ODAD2: variants seen among roughly 807,000 people sequenced by gnomAD.
The protein encoded by ODAD2 is outer dynein arm-docking complex subunit 2.
In ODAD2, 89 loss-of-function variants were observed where a neutral mutation model predicts 106.8. The observed-to-expected ratio is 0.83, with a 90% CI of 0.70 to 0.99. ODAD2 has a LOEUF of 0.99. Ranked by LOEUF, ODAD2 falls within the 50% of genes least tolerant of loss-of-function variation. ODAD2 has a pLI of 0.00. For synonymous variants in ODAD2, 404 were observed against 436.2 expected, an observed-to-expected ratio of 0.93 and a Z score of 0.92; for missense variants, 1,168 against 1,238.5, an observed-to-expected ratio of 0.94 and a Z score of 0.85.
intron 17 of ODAD2, among the ~76,000 whole-genome samples, chr10:27,906,455 G>A (rs10826365): frequency 0.66 from 100,099 of 151,946 alleles, 33,352 homozygotes; most frequent in Middle Eastern, 0.73. Flanking sequence ...CAGTGTGGCG[G>A]TTCCTCAAGG....
At chr10:27,901,632 T>G (rs1843210689) in intron 17 of ODAD2, among the ~76,000 whole-genome samples, 2 of 151,690 alleles carry the variant, frequency 1.3e-5, no homozygotes, top group South Asian at 4.2e-4. Context: ...ACCAAGCAAA[T>G]GGAAAGCAAA....
chr10:27,942,262 A>G (rs1846512001), intron 12 of ODAD2, among the ~76,000 whole-genome samples: 1 of 152,220 alleles, frequency 6.6e-6, no homozygotes, highest in African/African-American at 2.4e-5. Flanking sequence ...TTGATTCACC[A>G]AAAATTGGTT....
chr10:27,823,790 G>A (rs562101474), intron 19 of ODAD2, among the ~76,000 whole-genome samples: 33 of 152,210 alleles, frequency 2.2e-4, no homozygotes, highest in Non-Finnish European at 3.8e-4. Flanking sequence ...ATGGTGTCCC[G>A]TTAGATAGTC....
intron 10 of ODAD2, among the ~76,000 whole-genome samples, chr10:27,949,604 G>A (rs547136299): frequency 6.6e-6 from 1 of 152,322 alleles, no homozygotes; most frequent in Non-Finnish European, 1.5e-5. Context: ...CCCAGGGTGG[G>A]AGCGTGGTGC....
At chr10:27,919,009 A>G (rs1844591123) in intron 16 of ODAD2, among the ~76,000 whole-genome samples, 1 of 151,944 alleles carries the variant, frequency 6.6e-6, no homozygotes, top group Admixed American at 6.6e-5. Flanking sequence ...GCAATGCTCT[A>G]CATTGCAACT....
chr10:27,969,313 T>C (rs1848675626), intron 8 of ODAD2, among the ~76,000 whole-genome samples: 2 of 151,894 alleles, frequency 1.3e-5, no homozygotes, highest in Middle Eastern at 6.8e-3. Flanking sequence ...TAGGTATGTA[T>C]CGCCGCCAAT....
chr10:27,933,929 G>T (rs1475032778), intron 16 of ODAD2, among the ~76,000 whole-genome samples: 1 of 152,120 alleles, frequency 6.6e-6, no homozygotes. Context: ...CCCCTGATAG[G>T]ATTTTGCTGT....
intron 19 of ODAD2, among the ~76,000 whole-genome samples, chr10:27,817,671 C>G (rs185137228): frequency 6.6e-6 from 1 of 152,078 alleles, no homozygotes; most frequent in Admixed American, 6.5e-5. Context: ...ATGATTCATT[C>G]TTTTTTATGA....
chr10:27,871,532 A>G (rs1355534684), intron 17 of ODAD2, among the ~76,000 whole-genome samples: 2 of 152,292 alleles, frequency 1.3e-5, no homozygotes, highest in African/African-American at 4.8e-5. Context: ...TAATTTTTGT[A>G]TAAGGTGCAA....
At chr10:27,956,080 G>C (rs1689134663) in intron 10 of ODAD2, among the ~76,000 whole-genome samples, 1 of 152,144 alleles carries the variant, frequency 6.6e-6, no homozygotes, top group Non-Finnish European at 1.5e-5. Flanking sequence ...ATCCACGCCA[G>C]TGTTTGATGA....
Position 27,944,275 on chromosome 10 carries a change from T to C in ODAD2, c.1690A>G (p.Lys564Glu). 1.9e-6 allele frequency: 3 copies of C among 1,613,998 alleles called. No homozygotes were observed. The highest frequency in any genetic ancestry group is 2.5e-6 in the Non-Finnish European group (3 of 1,180,002). ...ACCACCCGCCGTGCTCTTTTAAACTTGGCAACATTCGCGATAGTCTCGGCT... is the reference window on the plus strand; with the variant it reads ...ACCACCCGCCGTGCTCTTTTAAACTCGGCAACATTCGCGATAGTCTCGGCT... Reference protein sequence around the residue: ...LAAETIANVAKFKRARRVVRQ... With the variant: ...LAAETIANVAEFKRARRVVRQ... Residue 564 changes from lysine (K) to glutamate (E), a missense_variant, in exon 12 of 20, where the codon AAG becomes GAG. Physicochemically the swap from Lys to Glu is moderately conservative, Grantham distance 56. This residue lies in a region of ODAD2 where 701 missense variants were observed against 712.3 expected (regional missense o/e 0.98). Coordinates refer to ENST00000305242, the MANE Select transcript of ODAD2 (RefSeq NM_018076.5).
chr10:27,837,737 G>A (rs987650773), intron 19 of ODAD2, among the ~76,000 whole-genome samples: 6 of 152,040 alleles, frequency 3.9e-5, no homozygotes, highest in Non-Finnish European at 7.4e-5. Flanking sequence ...AAACAAAGAC[G>A]TAGAGAATCA....
chr10:27,846,881 T>C (rs542017334), intron 19 of ODAD2, among the ~76,000 whole-genome samples: 9 of 151,216 alleles, frequency 6.0e-5, no homozygotes, highest in Non-Finnish European at 1.3e-4. Context: ...CAGGAAGAAG[T>C]TGAATCCCTC....
intron 19 of ODAD2, among the ~76,000 whole-genome samples, chr10:27,822,524 CT>C (rs1252403498): frequency 6.6e-6 from 1 of 152,192 alleles, no homozygotes; most frequent in Non-Finnish European, 1.5e-5. Flanking sequence ...CAAGAAATGC[CT>C]TTGGACTGTG....
At chr10:27,873,170 T>C (rs560894831) in intron 17 of ODAD2, among the ~76,000 whole-genome samples, 5,918 of 147,150 alleles carry the variant, frequency 0.04, 375 homozygotes, top group African/African-American at 0.14. Flanking sequence ...TCTCTGATGG[T>C]AGTTTGTATT....
chr10:27,999,256 G>A (rs772612777), upstream of ODAD2, among the ~76,000 whole-genome samples: 1 of 152,202 alleles, frequency 6.6e-6, no homozygotes, highest in Non-Finnish European at 1.5e-5. Context: ...AGCAGTTGCG[G>A]GGTCGGCGGC....
At chr10:27,944,006 T>C (rs1412972190) in intron 12 of ODAD2, among the ~76,000 whole-genome samples, 1 of 152,102 alleles carries the variant, frequency 6.6e-6, no homozygotes, top group Non-Finnish European at 1.5e-5. Context: ...AACTGTCCTA[T>C]TTCTTCAAAA....
intron 7 of ODAD2, among the ~76,000 whole-genome samples, chr10:27,977,900 G>C (rs2133062842): frequency 6.6e-6 from 1 of 152,282 alleles, no homozygotes; most frequent in East Asian, 1.9e-4. Context: ...GTATGTGGAA[G>C]AACTGGGACT....
At chr10:27,920,629 CAAAAAT>C (rs1178984415) in intron 16 of ODAD2, among the ~76,000 whole-genome samples, 8 of 152,106 alleles carry the variant, frequency 5.3e-5, no homozygotes, top group African/African-American at 1.4e-4. Context: ...AGATGAAAAA[CAAAAAT>C]GAAAATGTGA....
Sources: allele counts gnomAD v4.1 joint callset (sites outside exome capture counted in the v4.1 genomes callset), GRCh38; gene constraint gnomAD v4.1.1; regional missense constraint gnomAD v4.1.1; transcripts MANE v1.5; gene names NCBI Gene and HGNC (gene_info 2026-07-23, HGNC 2026-07-21).